Variants in CHDH observed in about 807,000 individuals in gnomAD.
CHDH encodes the protein choline dehydrogenase, also known as choline dehydrogenase, mitochondrial.
In CHDH, 43 loss-of-function variants were observed where a neutral mutation model predicts 56.9. The observed-to-expected ratio is 0.76, with a 90% CI of 0.59 to 0.97. CHDH has a LOEUF of 0.97. Among genes scored for constraint, CHDH ranks in the 50% least tolerant of loss-of-function variants. CHDH has a pLI of 0.00. For missense variants in CHDH, 816 were observed against 821.1 expected, an observed-to-expected ratio of 0.99 and a Z score of 0.08; for synonymous variants, 364 against 348.5, an observed-to-expected ratio of 1.04 and a Z score of -0.50.
chr3:53,826,056 G>A (rs1036755725), intron 2 of CHDH, among the ~76,000 whole-genome samples: 25 of 151,902 alleles, frequency 1.6e-4, no homozygotes, highest in African/African-American at 6.0e-4. Context: ...AAAGATACAA[G>A]CTGCCAAAAC....
Position 53,818,027 on chromosome 3 carries a change from G to T in CHDH, c.1535C>A (p.Pro512His), listed in dbSNP as rs2095618886. 6.2e-7 allele frequency: 1 copy of T among 1,614,210 alleles called. No homozygotes were observed. The highest frequency in any genetic ancestry group is 8.5e-7 in the Non-Finnish European group (1 of 1,180,046). The change falls in exon 9 of 9, where the codon CCC becomes CAC. Residue 512 changes from proline (P) to histidine (H), a missense_variant. Transcript: ENST00000315251. ...CTGGCCCATCTTACAGGTGCACGAG[G>T]GGTGGTAGGCGCTGTCGGCTTTTGC... ...VRAKADSAYH[P>H]SCTCKMGQPS...
intron 1 of CHDH, among the ~76,000 whole-genome samples, chr3:53,843,152 C>T (rs983513883): frequency 1.2e-4 from 18 of 149,892 alleles, no homozygotes; most frequent in Admixed American, 4.6e-4. Flanking sequence ...TGGGGATTAC[C>T]GTGACTCTTG....
rs771784492 is a variant in CHDH at position 53,823,861 on chromosome 3, A to C, written c.148T>G (p.Ser50Ala). Residue 50 changes from serine to alanine, a missense_variant, in exon 3 of 9, where the codon TCG (serine) becomes GCG (alanine). Physicochemically the swap from Ser to Ala is moderately conservative, Grantham distance 99. Transcript: ENST00000315251. ...EYSYVVVGAG[S>A]AGCVLAGRLT... is the part of the protein sequence containing the mutation. ...CTCCCAGCCAGCACGCAGCCCGCCG[A>C]GCCCGCGCCCACCACCACATAGCTG... 1 of 1,585,444 alleles carries C rather than the reference A, an allele frequency of 6.3e-7. No homozygotes were observed.
In CHDH at chr3:53,824,067, C is replaced by T. The variant is rs1576786174; in HGVS notation, c.-59G>A. 3.6e-6 allele frequency: 5 copies of T among 1,379,634 alleles called. No individual in the cohort carries two copies. In the East Asian group the frequency reaches 1.4e-4, roughly 38 times the overall value. 85.5% of individuals were successfully genotyped at this position (1,379,634 alleles called of 1,614,324 possible). A position where few individuals can be genotyped will look rare whatever the true frequency, so the allele number is the denominator to read the frequency against. On this transcript the variant is annotated splice_region_variant and 5_prime_UTR_variant, in exon 3 of 9. Coordinates refer to ENST00000315251, the MANE Select transcript of CHDH (RefSeq NM_018397.5). ...AGGGGAATGAGATGACTCACTTCTC[C>T]CTAAAACAGGAAGAGGGGCTTTAAA... is the stretch of plus-strand genomic sequence containing the variant.
chr3:53,825,603 A>G (rs1402428227), intron 2 of CHDH, among the ~76,000 whole-genome samples: 1 of 152,140 alleles, frequency 6.6e-6, no homozygotes, highest in Non-Finnish European at 1.5e-5. Flanking sequence ...CTGAGGGGGA[A>G]ATAGTGGGGA....
chr3:53,822,230 G>A (rs1276668524), intron 4 of CHDH, among the ~76,000 whole-genome samples: 1 of 152,050 alleles, frequency 6.6e-6, no homozygotes, highest in Non-Finnish European at 1.5e-5. Context: ...TTGAAATGGT[G>A]TGGAAGGTAC....
At chr3:53,835,024 G>A (rs527764046) in intron 2 of CHDH, among the ~76,000 whole-genome samples, 5 of 152,294 alleles carry the variant, frequency 3.3e-5, no homozygotes, top group Admixed American at 2.6e-4. Context: ...GACAACCTGG[G>A]AGCATGTCAA....
intron 1 of CHDH, among the ~76,000 whole-genome samples, chr3:53,843,131 A>G (rs1321652256): frequency 1.3e-5 from 2 of 151,168 alleles, no homozygotes; most frequent in Non-Finnish European, 2.9e-5. Context: ...CGGAATAACA[A>G]TGACAGAATC....
chr3:53,841,066 C>T (rs1395925193), intron 1 of CHDH, 67 bp from the exon 2 acceptor site: 1 of 152,174 alleles, frequency 6.6e-6, no homozygotes, highest in Non-Finnish European at 1.5e-5. Flanking sequence ...TCATTTGACA[C>T]AGCAACCTAT....
intron 2 of CHDH, among the ~76,000 whole-genome samples, chr3:53,836,593 G>C (rs1183349780): frequency 6.6e-6 from 1 of 152,244 alleles, no homozygotes; most frequent in Non-Finnish European, 1.5e-5. Flanking sequence ...AGTGAGATGA[G>C]CTGTGGAAAG....
chr3:53,837,506 C>T (rs1698533904), intron 2 of CHDH, among the ~76,000 whole-genome samples: 1 of 152,226 alleles, frequency 6.6e-6, no homozygotes, highest in Non-Finnish European at 1.5e-5. Flanking sequence ...CAGGCCGCAC[C>T]GTGTGACCCA....
At chr3:53,821,842 C>A (rs999502366) in intron 4 of CHDH, 66 bp from the exon 5 acceptor site, 2 of 1,587,476 alleles carry the variant, frequency 1.3e-6, no homozygotes, top group Non-Finnish European at 1.7e-6. Flanking sequence ...CAGACCAGCG[C>A]CCTACTCTAG....
At chr3:53,838,604 G>A (rs1354998450) in intron 2 of CHDH, among the ~76,000 whole-genome samples, 1 of 152,184 alleles carries the variant, frequency 6.6e-6, no homozygotes, top group African/African-American at 2.4e-5. Flanking sequence ...TCCCTCTCCA[G>A]GGGAGATGAA....
intron 1 of CHDH, among the ~76,000 whole-genome samples, 200 bp downstream of exon 1, chr3:53,845,883 A>G (rs1698860379): frequency 6.6e-6 from 1 of 152,206 alleles, no homozygotes; most frequent in Non-Finnish European, 1.5e-5. Flanking sequence ...AGCTGAAAGA[A>G]TTCGCTCCCT....
At position 53,845,241 on chromosome 3, in the gene CHDH, C is replaced by T. The variant is rs139041557; in HGVS notation, c.-131+842G>A. Among the ~76,000 whole-genome samples the T allele has an allele frequency of 3.2e-4, 48 of 152,292 alleles. No homozygotes were observed. The East Asian group carries it at 8.5e-3, about 27-fold the overall frequency. ...ACTCCACACGTATGCATGCCAGAGCCCAAACCCCTGGCTGATCCCCAGTCC... is the reference window on the plus strand; with the variant it reads ...ACTCCACACGTATGCATGCCAGAGCTCAAACCCCTGGCTGATCCCCAGTCC... On this transcript the variant is annotated intron_variant, in intron 1 of 8. Coordinates refer to ENST00000315251, the MANE Select transcript of CHDH (RefSeq NM_018397.5).
In CHDH at chr3:53,823,398, T is replaced by C; in HGVS notation, c.611A>G (p.Glu204Gly). 6.2e-7 allele frequency: 1 copy of C among 1,604,568 alleles called. No individual in the cohort carries two copies. Among genetic ancestry groups the C allele is most frequent in the South Asian group, 1.1e-5 (1 of 89,398 alleles). The change falls in exon 3 of 9, where the codon GAG becomes GGG. Residue 204 changes from glutamate (E) to glycine (G), a missense_variant. By Grantham distance (98) the Glu-to-Gly change is moderately conservative. Transcript: ENST00000315251. Reference protein sequence around the residue: ...TNHPLHCAFLEATQQAGYPLT... With the variant: ...TNHPLHCAFLGATQQAGYPLT... ...CGGGTAGCCGGCCTGCTGCGTGGCC[T>C]CCAGGAATGCGCAGTGCAGCGGGTG... is the stretch of plus-strand genomic sequence containing the variant.
chr3:53,826,489 C>T (rs1311454835), intron 2 of CHDH, among the ~76,000 whole-genome samples: 1 of 151,988 alleles, frequency 6.6e-6, no homozygotes, highest in African/African-American at 2.4e-5. Flanking sequence ...AATCAACAGG[C>T]TGAAAAAGAA....
At position 53,818,939 on chromosome 3, in the gene CHDH, T is replaced by C. The variant is rs1308440266; in HGVS notation, c.1365A>G (p.Thr455=). The change falls in exon 8 of 9, where the codon ACA becomes ACG. Residue 455 remains threonine (T), a splice_region_variant and synonymous_variant. Coordinates refer to ENST00000315251, the MANE Select transcript of CHDH (RefSeq NM_018397.5). ...GGAAGACACAGGTGGGTGAAGTACC[T>C]GTTGACAAGTAGTTGGGCTGGATCA... ...HPVIQPNYLS[T]ETDIEDFRLC... is the part of the protein sequence containing the mutation. The C allele has an allele frequency of 6.2e-7, 1 of 1,600,212 alleles. No individual in the cohort carries two copies. The highest frequency in any genetic ancestry group is 1.3e-5 in the African/African-American group (1 of 74,762).
intron 2 of CHDH, among the ~76,000 whole-genome samples, chr3:53,824,854 G>A (rs775280274): frequency 6.6e-6 from 1 of 152,180 alleles, no homozygotes; most frequent in Non-Finnish European, 1.5e-5. Context: ...CCCCACCCGT[G>A]AGGCTCAGAC....
Sources: gnomAD v4.1 joint callset for allele counts (sites outside exome capture counted in the v4.1 genomes callset) on GRCh38, gnomAD v4.1.1 for gene constraint, MANE v1.5 for transcripts, NCBI Gene and HGNC (gene_info 2026-07-23, HGNC 2026-07-21) for gene names.